Variants in AGBL4 observed in about 807,000 individuals in gnomAD.
AGBL4 encodes the protein cytosolic carboxypeptidase 6.
AGBL4 carries 58 observed loss-of-function variants against 66.4 expected under a neutral mutation model. The observed-to-expected ratio is 0.87, with a 90% CI of 0.71 to 1.09. AGBL4 has a LOEUF of 1.09. Among genes scored for constraint, AGBL4 ranks in the 50% least tolerant of loss-of-function variants. AGBL4 has a pLI of 0.00. For missense variants in AGBL4, 579 were observed against 631.0 expected, an observed-to-expected ratio of 0.92 and a Z score of 0.88; for synonymous variants, 234 against 222.9, an observed-to-expected ratio of 1.05 and a Z score of -0.44.
At chr1:49,626,810 T>A (rs1358098706) in intron 3 of AGBL4, among the ~76,000 whole-genome samples, 4 of 152,166 alleles carry the variant, frequency 2.6e-5, no homozygotes, top group Admixed American at 2.6e-4. Flanking sequence ...TCATTATAGT[T>A]CCAGGGTGTG....
intron 6 of AGBL4, among the ~76,000 whole-genome samples, chr1:48,801,448 G>T (rs754228703): frequency 1.3e-5 from 2 of 152,124 alleles, no homozygotes; most frequent in Non-Finnish European, 2.9e-5. Flanking sequence ...AGTTTCTCTG[G>T]CTGCCTTCCC....
intron 8 of AGBL4, among the ~76,000 whole-genome samples, chr1:48,649,756 T>G (rs193013539): frequency 1.2e-3 from 189 of 152,304 alleles, no homozygotes; most frequent in Non-Finnish European, 2.2e-3. Context: ...TAGATTGGAT[T>G]ATATGCTTCT....
intron 4 of AGBL4, among the ~76,000 whole-genome samples, chr1:49,093,991 AG>A (rs1214358997): frequency 6.6e-6 from 1 of 152,168 alleles, no homozygotes; most frequent in East Asian, 1.9e-4. Context: ...TAAAGAAAGA[AG>A]GGGCTTGTGT....
At chr1:48,989,109 C>T (rs1660407943) in intron 5 of AGBL4, among the ~76,000 whole-genome samples, 1 of 152,184 alleles carries the variant, frequency 6.6e-6, no homozygotes, top group Non-Finnish European at 1.5e-5. Flanking sequence ...TATGACTACT[C>T]TCTACTCTCT....
At chr1:49,090,913 G>C (rs1229532052) in intron 4 of AGBL4, among the ~76,000 whole-genome samples, 2 of 152,098 alleles carry the variant, frequency 1.3e-5, no homozygotes, top group Admixed American at 1.3e-4. Context: ...GAACAGAATA[G>C]AGAGCCCAGA....
At chr1:49,503,193 A>C (rs1558001686) in intron 3 of AGBL4, among the ~76,000 whole-genome samples, 1 of 152,086 alleles carries the variant, frequency 6.6e-6, no homozygotes, top group Non-Finnish European at 1.5e-5. Flanking sequence ...CTGTATCTTC[A>C]GAGGGTACAA....
intron 3 of AGBL4, among the ~76,000 whole-genome samples, chr1:49,336,575 C>T (rs951424097): frequency 3.3e-5 from 5 of 152,202 alleles, no homozygotes; most frequent in African/African-American, 1.2e-4. Flanking sequence ...ATTTACTGTT[C>T]TCTGCTTACA....
chr1:48,706,619 T>C (rs185173931), intron 6 of AGBL4, among the ~76,000 whole-genome samples: 1 of 152,082 alleles, frequency 6.6e-6, no homozygotes, highest in East Asian at 1.9e-4. Context: ...AAGAAACCTG[T>C]GGAAAGCAGT....
At chr1:49,816,610 T>C (rs1344658753) in intron 2 of AGBL4, among the ~76,000 whole-genome samples, 2 of 152,164 alleles carry the variant, frequency 1.3e-5, no homozygotes, top group African/African-American at 2.4e-5. Flanking sequence ...CTAATTCTAA[T>C]ATTCTAAGCT....
chr1:49,939,378 C>T (rs367934484), intron 1 of AGBL4, among the ~76,000 whole-genome samples: 1 of 151,482 alleles, frequency 6.6e-6, no homozygotes, highest in African/African-American at 2.4e-5. Flanking sequence ...GAACCAAAAA[C>T]GAGCCCACAT....
intron 4 of AGBL4, among the ~76,000 whole-genome samples, chr1:49,169,394 A>G (rs1476492778): frequency 7.2e-5 from 11 of 152,130 alleles, no homozygotes; most frequent in Admixed American, 7.2e-4. Flanking sequence ...CTACTCCTAT[A>G]AGGGCTTGCA....
chr1:48,986,440 C>T (rs550441513), intron 5 of AGBL4, among the ~76,000 whole-genome samples: 189 of 151,548 alleles, frequency 1.2e-3, no homozygotes, highest in Admixed American at 2.4e-3. Context: ...TGTTACATAC[C>T]GAGAAACAAC....
At chr1:49,570,207 A>C (rs1644299124) in intron 3 of AGBL4, among the ~76,000 whole-genome samples, 1 of 152,066 alleles carries the variant, frequency 6.6e-6, no homozygotes, top group African/African-American at 2.4e-5. Flanking sequence ...AACAGTGAAT[A>C]AGTATTCCAT....
intron 6 of AGBL4, among the ~76,000 whole-genome samples, chr1:48,712,944 C>G (rs149415633): frequency 6.6e-6 from 1 of 152,312 alleles, no homozygotes; most frequent in Non-Finnish European, 1.5e-5. Flanking sequence ...GTCAGTGCTG[C>G]CCATGTACCA....
intron 4 of AGBL4, among the ~76,000 whole-genome samples, chr1:49,118,521 A>G (rs576128000): frequency 2.0e-5 from 3 of 152,312 alleles, no homozygotes; most frequent in Admixed American, 2.0e-4. Context: ...CATATGTTGA[A>G]CTGGCCCTGC....
At chr1:49,955,290 C>G (rs1656501953) in intron 1 of AGBL4, among the ~76,000 whole-genome samples, 1 of 151,906 alleles carries the variant, frequency 6.6e-6, no homozygotes, top group Non-Finnish European at 1.5e-5. Flanking sequence ...ACTAATAATT[C>G]ACTTACAAAA....
At chr1:48,636,243 A>T (rs181107705) in intron 8 of AGBL4, among the ~76,000 whole-genome samples, 1 of 152,350 alleles carries the variant, frequency 6.6e-6, no homozygotes, top group Admixed American at 6.5e-5. Flanking sequence ...AAAAAGGAAC[A>T]TCACCTTCCT....
intron 3 of AGBL4, among the ~76,000 whole-genome samples, chr1:49,667,703 T>C (rs921308202): frequency 2.0e-5 from 3 of 152,266 alleles, no homozygotes; most frequent in Admixed American, 1.3e-4. Flanking sequence ...AATTTTATGA[T>C]ACCAAGTTGA....
intron 4 of AGBL4, among the ~76,000 whole-genome samples, chr1:49,190,498 G>C (rs1005307646): frequency 6.6e-6 from 1 of 152,176 alleles, no homozygotes; most frequent in Non-Finnish European, 1.5e-5. Flanking sequence ...AGGGTGGACT[G>C]TGTTCCTTTG....
Sources: gnomAD v4.1 joint callset for allele counts (sites outside exome capture counted in the v4.1 genomes callset) on GRCh38, gnomAD v4.1.1 for gene constraint, MANE v1.5 for transcripts, NCBI Gene and HGNC (gene_info 2026-07-23, HGNC 2026-07-21) for gene names.